Variants in PPP2R1A observed in about 807,000 individuals in gnomAD.
The protein encoded by PPP2R1A is serine/threonine-protein phosphatase 2A 65 kDa regulatory subunit A alpha isoform.
In PPP2R1A, 15 loss-of-function variants were observed where a neutral mutation model predicts 67.1. The observed-to-expected ratio is 0.22, with a 90% CI of 0.15 to 0.34. The LOEUF (loss-of-function observed/expected upper bound fraction) is 0.34. Ranked by LOEUF, PPP2R1A falls within the 10% of genes least tolerant of loss-of-function variation. PPP2R1A has a pLI of 1.00. For missense variants in PPP2R1A, 369 were observed against 775.0 expected (o/e 0.48, Z 6.22); for synonymous variants, 337 against 325.0 (o/e 1.04, Z -0.40).
In PPP2R1A at chr19:52,227,886, G is replaced by A. The variant is rs1480020855; in HGVS notation, c.*1905G>A. ...GCTGCTGGTCCATTGTAACAAGAGT[G>A]CAGTGGACCAGCAGCCTTTGCATTC... On this transcript the variant is annotated 3_prime_UTR_variant, in exon 15 of 15. Transcript: ENST00000322088. 6.6e-6 allele frequency: 1 copy of A among 152,166 alleles called. No homozygotes were observed. The highest frequency in any genetic ancestry group is 2.4e-5 in the African/African-American group (1 of 41,444). 9.4% of individuals were successfully genotyped at this position (152,166 alleles called of 1,614,324 possible).
intron 1 of PPP2R1A, among the ~76,000 whole-genome samples, chr19:52,195,139 G>C (rs760362017): frequency 6.6e-6 from 1 of 152,160 alleles, no homozygotes; most frequent in Non-Finnish European, 1.5e-5. Context: ...GGCTCCATGG[G>C]TTGAATGCAG....
chr19:52,198,661 T>C (rs1321009805), intron 1 of PPP2R1A, among the ~76,000 whole-genome samples: 2 of 152,218 alleles, frequency 1.3e-5, no homozygotes, highest in Non-Finnish European at 2.9e-5. Context: ...CTCTGAATCC[T>C]TTCCTCTTTG....
chr19:52,193,729 C>A (rs1169895170), intron 1 of PPP2R1A, among the ~76,000 whole-genome samples: 1 of 152,064 alleles, frequency 6.6e-6, no homozygotes, highest in East Asian at 1.9e-4. Flanking sequence ...ACCACCACAT[C>A]CAGCTAATTT....
chr19:52,201,789 A>G (rs2089552046), intron 1 of PPP2R1A, 155 bp from the exon 2 acceptor site: 2 of 613,584 alleles, frequency 3.3e-6, no homozygotes, highest in Non-Finnish European at 5.8e-6. Flanking sequence ...TCGAGGTCAC[A>G]GGGTCTCTTG....
intron 1 of PPP2R1A, chr19:52,191,381 C>G (rs938632571): frequency 3.3e-5 from 5 of 152,268 alleles, no homozygotes; most frequent in Non-Finnish European, 5.9e-5. Flanking sequence ...AATTATGACA[C>G]AAATAAAAAG....
chr19:52,201,114 G>A (rs113053109), intron 1 of PPP2R1A: 2 of 150,716 alleles, frequency 1.3e-5, no homozygotes, highest in African/African-American at 2.5e-5. Context: ...TGACGTGCAC[G>A]TCACTGGATT....
chr19:52,212,180 G>T lies in PPP2R1A; in HGVS notation c.504-506G>T, dbSNP rs1448445213. ...AGCCCACTGCAGCCTCAACCTCCTG[G>T]GCTCAAGCATTCCTCCTGCCTTAGC... On this transcript the variant is annotated intron_variant, in intron 4 of 14. Transcript: ENST00000322088. The surrounding 1 kb of genome is among the most constrained non-coding windows in gnomAD (Gnocchi z 4.1). Among the ~76,000 whole-genome samples, 3 of 152,164 alleles carry T rather than the reference G, an allele frequency of 2.0e-5. No homozygotes were observed. The highest frequency in any genetic ancestry group is 7.2e-5 in the African/African-American group (3 of 41,444).
At position 52,221,822 on chromosome 19, in the gene PPP2R1A, C is replaced by T. The variant is rs570036425; in HGVS notation, c.1519-277C>T. ...GTTCTGATCATTTCTTCCCACGCCA[C>T]TCTCTGGAGAGCATTGCTTTAAGGA... On this transcript the variant is annotated intron_variant, in intron 12 of 14. Coordinates refer to ENST00000322088, the MANE Select transcript of PPP2R1A (RefSeq NM_014225.6). Among the ~76,000 whole-genome samples the T allele has an allele frequency of 2.0e-5, 3 of 152,324 alleles. No homozygotes were observed. In the South Asian group the frequency reaches 6.2e-4, roughly 32 times the overall value.
At position 52,211,190 on chromosome 19, in the gene PPP2R1A, G is replaced by A. The variant is rs904473477; in HGVS notation, c.271-70G>A. The A allele has an allele frequency of 1.4e-6, 2 of 1,443,886 alleles. No individual in the cohort carries two copies. The highest frequency in any genetic ancestry group is 3.8e-5 in the Admixed American group (2 of 51,980). 89.4% of individuals were successfully genotyped at this position (1,443,886 alleles called of 1,614,324 possible). A position where few individuals can be genotyped will look rare whatever the true frequency, so the allele number is the denominator to read the frequency against. On this transcript the variant is annotated intron_variant, in intron 3 of 14. Coordinates refer to ENST00000322088, the MANE Select transcript of PPP2R1A (RefSeq NM_014225.6). The surrounding 1 kb of genome is among the most constrained non-coding windows in gnomAD (Gnocchi z 5.3). ...TGAGGAGATGAGCCCATGATGGGGT[G>A]CAGGATGGGGCTCCAGGGCTGCGGA...
chr19:52,198,143 C>A (rs1012912866), intron 1 of PPP2R1A, among the ~76,000 whole-genome samples: 1 of 152,096 alleles, frequency 6.6e-6, no homozygotes, highest in African/African-American at 2.4e-5. Context: ...CTCATCATCC[C>A]CACTTCACAG....
At position 52,227,703 on chromosome 19, in the gene PPP2R1A, G is replaced by T. The variant is rs1358355088; in HGVS notation, c.*1722G>T. The stretch of plus-strand genomic sequence containing the variant: ...TAGACTTTATTGTGCCCTAGGGGAT[G>T]AGGCTGAAGGAGACCAAAAAGCATC... On this transcript the variant is annotated 3_prime_UTR_variant, in exon 15 of 15. Coordinates refer to ENST00000322088, the MANE Select transcript of PPP2R1A (RefSeq NM_014225.6). 1.3e-5 allele frequency: 2 copies of T among 152,198 alleles called. No individual in the cohort carries two copies. The highest frequency in any genetic ancestry group is 4.8e-5 in the African/African-American group (2 of 41,448). The allele number at this position is 152,198 out of a possible 1,614,324, so 9.4% of individuals were successfully genotyped here.
chr19:52,201,010 C>G (rs1433021187), intron 1 of PPP2R1A: 2 of 151,750 alleles, frequency 1.3e-5, no homozygotes, highest in Non-Finnish European at 1.5e-5. Flanking sequence ...TCTGCAAAGA[C>G]TGTTTTGATG....
Position 52,213,806 on chromosome 19 carries a change from A to G in PPP2R1A, c.807+696A>G, listed in dbSNP as rs937866606. Among the ~76,000 whole-genome samples, 3 of 152,002 alleles carry G rather than the reference A, an allele frequency of 2.0e-5. No individual in the cohort carries two copies. Among genetic ancestry groups the G allele is most frequent in the Non-Finnish European group, 4.4e-5 (3 of 68,006 alleles). ...CAGCCCCGGAAAGTTTAATTAACTG[A>G]TCAGAGTGACACTACCAGCCAGGCA... On this transcript the variant is annotated intron_variant, in intron 6 of 14. Transcript: ENST00000322088. The surrounding 1 kb of genome is among the most constrained non-coding windows in gnomAD (Gnocchi z 4.2).
chr19:52,210,617 G>A lies in PPP2R1A; in HGVS notation c.271-643G>A, dbSNP rs182072900. 2.6e-4 allele frequency among the ~76,000 whole-genome samples: 39 copies of A among 150,892 alleles called. No homozygotes were observed. The East Asian group carries it at 6.7e-3, about 26-fold the overall frequency. On this transcript the variant is annotated intron_variant, in intron 3 of 14. Coordinates refer to ENST00000322088, the MANE Select transcript of PPP2R1A (RefSeq NM_014225.6). ...AAGGATTCTTCTGCCTCAGCCTCCC[G>A]AGTAGCTGGGATTACAGGTGCGCAC...
rs2122330474 is a variant in PPP2R1A at position 52,211,489 on chromosome 19, G to A, written c.500G>A (p.Arg167Gln). 2.5e-6 allele frequency: 4 copies of A among 1,605,058 alleles called. No individual in the cohort carries two copies. The highest frequency in any genetic ancestry group is 3.4e-6 in the Non-Finnish European group (4 of 1,173,688). The change falls in exon 4 of 15, where the codon CGA becomes CAA. Residue 167 changes from arginine (R) to glutamine (Q), a missense_variant. Arg to Gln is a conservative substitution (Grantham distance 43, BLOSUM62 1). Transcript: ENST00000322088. This position sits in a 1 kb window ranked among gnomAD's most constrained non-coding sequence, Gnocchi z 5.3. Reference sequence around the variant, plus strand: ...TCCAGTGCTGTGAAGGCGGAACTTCGACAGTGAGTCTCTGCCTCCTTGGAA... The same window carrying A: ...TCCAGTGCTGTGAAGGCGGAACTTCAACAGTGAGTCTCTGCCTCCTTGGAA... ...RVSSAVKAEL[R>Q]QYFRNLCSDD... is the part of the protein sequence containing the mutation.
chr19:52,218,164 A>G (rs1978697835), intron 9 of PPP2R1A, among the ~76,000 whole-genome samples: 2 of 152,206 alleles, frequency 1.3e-5, no homozygotes, highest in African/African-American at 4.8e-5. Flanking sequence ...GGTGTGTGAC[A>G]TCTTTCCCAA....
At chr19:52,193,723 C>G (rs2089474226) in intron 1 of PPP2R1A, among the ~76,000 whole-genome samples, 1 of 152,110 alleles carries the variant, frequency 6.6e-6, no homozygotes, top group Non-Finnish European at 1.5e-5. Flanking sequence ...GCGCCCACCA[C>G]CACATCCAGC....
At chr19:52,215,514 T>C (rs992639914) in intron 6 of PPP2R1A, among the ~76,000 whole-genome samples, 1 of 152,176 alleles carries the variant, frequency 6.6e-6, no homozygotes, top group Non-Finnish European at 1.5e-5. Flanking sequence ...CTGAATAATA[T>C]GGAAATGTGT....
chr19:52,222,386 G>T (rs1178253643), intron 13 of PPP2R1A, 145 bp downstream of exon 13: 1 of 1,250,728 alleles, frequency 8.0e-7, no homozygotes, highest in South Asian at 1.7e-5. Context: ...CCTTCTCAAG[G>T]TGTGTTTTCT....
Sources: allele counts gnomAD v4.1 joint callset (sites outside exome capture counted in the v4.1 genomes callset), GRCh38; gene constraint gnomAD v4.1.1; non-coding constraint Gnocchi (gnomAD v3.1); transcripts MANE v1.5; gene names NCBI Gene and HGNC (gene_info 2026-07-23, HGNC 2026-07-21).